Variants in IGSF5 observed in about 807,000 individuals in gnomAD.
IGSF5 encodes the protein immunoglobulin superfamily 5 like.
In IGSF5, 41 loss-of-function variants were observed where a neutral mutation model predicts 39.4. The ratio of observed to expected loss-of-function variants is 1.04; its 90% CI spans 0.81 to 1.35. The LOEUF (loss-of-function observed/expected upper bound fraction) is 1.35. IGSF5 is among the 40% of genes most tolerant of loss of function. The pLI is 0.00. For missense variants in IGSF5, 487 were observed against 494.6 expected (o/e 0.98, Z 0.15); for synonymous variants, 183 against 175.3 (o/e 1.04, Z -0.34).
intron 7 of IGSF5, among the ~76,000 whole-genome samples, chr21:39,792,945 C>A (rs1035777971): frequency 6.6e-6 from 1 of 152,120 alleles, no homozygotes; most frequent in Non-Finnish European, 1.5e-5. Context: ...CCAATCAGTC[C>A]TTGCTGAGGG....
chr21:39,794,351 A>T (rs2086983001), intron 8 of IGSF5, among the ~76,000 whole-genome samples: 1 of 152,114 alleles, frequency 6.6e-6, no homozygotes, highest in South Asian at 2.1e-4. Flanking sequence ...GGTGTAGTTA[A>T]ATTCACCAGT....
the IGSF5 span, among the ~76,000 whole-genome samples, chr21:39,731,582 G>T: frequency 6.6e-6 from 1 of 152,222 alleles, no homozygotes; most frequent in African/African-American, 2.4e-5. Context: ...TTTGAAGCAG[G>T]AGGAGAATAG....
chr21:39,774,667 T>C (rs2080130855), intron 4 of IGSF5, among the ~76,000 whole-genome samples: 1 of 152,224 alleles, frequency 6.6e-6, no homozygotes, highest in Non-Finnish European at 1.5e-5. Flanking sequence ...AGAAGCACTG[T>C]CAGAGCCATC....
intron 4 of IGSF5, 124 bp downstream of exon 4, chr21:39,771,339 A>G: frequency 2.5e-6 from 2 of 803,860 alleles, no homozygotes; most frequent in Non-Finnish European, 3.7e-6. Flanking sequence ...TTGGGTGGGG[A>G]TGATAAGGCC....
At chr21:39,783,705 C>A (rs1408911520) in intron 5 of IGSF5, among the ~76,000 whole-genome samples, 2 of 152,178 alleles carry the variant, frequency 1.3e-5, no homozygotes, top group African/African-American at 4.8e-5. Flanking sequence ...TTTTGCTGTG[C>A]AGAAGCTTTT....
the IGSF5 span, among the ~76,000 whole-genome samples, chr21:39,736,357 T>G: frequency 6.6e-6 from 1 of 152,218 alleles, no homozygotes; most frequent in African/African-American, 2.4e-5. Context: ...GATTTTAAAA[T>G]AGCATAGGCT....
At chr21:39,732,123 G>A in the IGSF5 span, among the ~76,000 whole-genome samples, 2 of 152,256 alleles carry the variant, frequency 1.3e-5, no homozygotes, top group South Asian at 4.2e-4. Context: ...TTGTGAATGA[G>A]CCACCCTGAA....
intron 2 of IGSF5, among the ~76,000 whole-genome samples, chr21:39,758,701 A>G (rs1027203552): frequency 6.6e-6 from 1 of 152,190 alleles, no homozygotes; most frequent in Non-Finnish European, 1.5e-5. Flanking sequence ...TGGGAAAGGC[A>G]TAGTGTATAG....
chr21:39,739,730 G>A, the IGSF5 span, among the ~76,000 whole-genome samples: 6 of 152,252 alleles, frequency 3.9e-5, no homozygotes, highest in African/African-American at 7.2e-5. Flanking sequence ...CTTCGATGTC[G>A]TTAACATTGG....
chr21:39,799,943 T>C (rs906577689), intron 8 of IGSF5, among the ~76,000 whole-genome samples: 4 of 152,224 alleles, frequency 2.6e-5, no homozygotes, highest in Non-Finnish European at 5.9e-5. Flanking sequence ...TTTTCTTCTC[T>C]GATTATTTCT....
chr21:39,745,343 C>T lies in IGSF5; in HGVS notation c.-167C>T, dbSNP rs369398309. On this transcript the variant is annotated 5_prime_UTR_variant, in exon 1 of 9. The change creates a new upstream start codon in the 5' untranslated region. Coordinates refer to ENST00000380588, the MANE Select transcript of IGSF5 (RefSeq NM_001080444.2). ...GGGCTATAGCCTAGGTGCCTGAGGA[C>T]GCAGCGTAGGGCTTCCTTAGATCCC... is the stretch of plus-strand genomic sequence containing the variant. 8.2e-5 allele frequency: 44 copies of T among 537,934 alleles called. No individual in the cohort carries two copies. Among genetic ancestry groups the T allele is most frequent in the South Asian group, 4.1e-4 (19 of 46,632 alleles). The allele number at this position is 537,934 out of a possible 1,614,324, so 33.3% of individuals were successfully genotyped here.
At chr21:39,792,204 TG>T in intron 7 of IGSF5, 105 bp downstream of exon 7, 1 of 662,368 alleles carries the variant, frequency 1.5e-6, no homozygotes, top group Non-Finnish European at 2.6e-6. Flanking sequence ...TTGGCAATGG[TG>T]GTTATTATTT....
At chr21:39,713,610 C>G in the IGSF5 span, among the ~76,000 whole-genome samples, 1 of 152,182 alleles carries the variant, frequency 6.6e-6, no homozygotes, top group Non-Finnish European at 1.5e-5. Context: ...CCCTGCTCTT[C>G]CTTCTCTGGG....
At chr21:39,714,981 G>A in the IGSF5 span, among the ~76,000 whole-genome samples, 9 of 152,120 alleles carry the variant, frequency 5.9e-5, no homozygotes, top group South Asian at 6.2e-4. Context: ...GTGAGTCTAC[G>A]GGCCTGATGG....
chr21:39,762,968 A>AT (rs759974666), intron 2 of IGSF5, among the ~76,000 whole-genome samples: 20 of 152,168 alleles, frequency 1.3e-4, no homozygotes, highest in Non-Finnish European at 1.3e-4. Flanking sequence ...TGTTTGCTCT[A>AT]TAAAGCAAAA....
At chr21:39,717,986 T>C in the IGSF5 span, among the ~76,000 whole-genome samples, 16,284 of 152,212 alleles carry the variant, frequency 0.11, 1,180 homozygotes, top group East Asian at 0.22. Context: ...GCAGTGTTTT[T>C]CCATTTGTTT....
At position 39,801,251 on chromosome 21, in the gene IGSF5, T is replaced by G; in HGVS notation, c.1129-11T>G. ...CCCATTAAATTGACTTTTTTCCTCC[T>G]CTGTTGCCAGCGGGCTGATCAACGT... is the stretch of plus-strand genomic sequence containing the variant. On this transcript the variant is annotated splice_polypyrimidine_tract_variant and intron_variant, in intron 8 of 8. Transcript: ENST00000380588. The G allele has an allele frequency of 6.2e-7, 1 of 1,612,014 alleles. No homozygotes were observed. Among genetic ancestry groups the G allele is most frequent in the Non-Finnish European group, 8.5e-7 (1 of 1,178,270 alleles).
chr21:39,746,128 T>C (rs905419089), intron 1 of IGSF5, 88 bp from the exon 2 acceptor site: 5 of 697,274 alleles, frequency 7.2e-6, no homozygotes, highest in African/African-American at 1.8e-5. Context: ...TTAGCTCGAT[T>C]AGGATGAACC....
the IGSF5 span, among the ~76,000 whole-genome samples, chr21:39,716,418 C>T: frequency 6.6e-6 from 1 of 151,932 alleles, no homozygotes; most frequent in Non-Finnish European, 1.5e-5. Flanking sequence ...GTCATGGGGG[C>T]TTGTTGTACC....
Sources: allele counts gnomAD v4.1 joint callset (sites outside exome capture counted in the v4.1 genomes callset), GRCh38; gene constraint gnomAD v4.1.1; transcripts MANE v1.5; gene names NCBI Gene and HGNC (gene_info 2026-07-23, HGNC 2026-07-21).